The following DOCK1 variants were observed in gnomAD, a reference collection of about 807,000 sequenced individuals.
The protein encoded by DOCK1 is dedicator of cytokinesis 1.
Under a neutral mutation model 262.7 loss-of-function variants are expected in DOCK1, and 138 were observed. The observed-to-expected ratio is 0.53, with a 90% CI of 0.46 to 0.61. The LOEUF (loss-of-function observed/expected upper bound fraction) is 0.61, where lower values mean the gene tolerates loss of function less well. DOCK1 is among the 20% of genes least tolerant of loss of function. DOCK1 has a pLI of 0.00. For missense variants in DOCK1, 1,908 were observed against 2,370.7 expected, an observed-to-expected ratio of 0.80 and a Z score of 4.05; for synonymous variants, 866 against 867.4, an observed-to-expected ratio of 1.00 and a Z score of 0.03.
At position 127,446,297 on chromosome 10, in the gene DOCK1, A is replaced by C. The variant is rs2070549703; in HGVS notation, c.5414-1097A>C. Among the ~76,000 whole-genome samples the C allele has an allele frequency of 6.6e-6, 1 of 152,042 alleles. No individual in the cohort carries two copies. The highest frequency in any genetic ancestry group is 2.4e-5 in the African/African-American group (1 of 41,416). ...AAAAGAAAGTAGAATAGAGGATACT[A>C]GGGGCGGGAGAGAGGAGTGGAGAGT... On this transcript the variant is annotated intron_variant, in intron 50 of 51. Coordinates refer to ENST00000623213, the MANE Select transcript of DOCK1 (RefSeq NM_001290223.2). The surrounding 1 kb of genome is among the most constrained non-coding windows in gnomAD (Gnocchi z 4.4).
At chr10:127,091,254 A>G (rs994365779) in intron 23 of DOCK1, among the ~76,000 whole-genome samples, 1 of 152,140 alleles carries the variant, frequency 6.6e-6, no homozygotes, top group African/African-American at 2.4e-5. Flanking sequence ...AAGTGCTGGG[A>G]TTACAGGCGT....
At chr10:127,397,762 G>A (rs2066992316) in intron 38 of DOCK1, among the ~76,000 whole-genome samples, 1 of 144,610 alleles carries the variant, frequency 6.9e-6, no homozygotes, top group Admixed American at 6.7e-5. Context: ...CACGGGCAGC[G>A]ACTCCTGTAT....
intron 31 of DOCK1, among the ~76,000 whole-genome samples, chr10:127,345,424 G>A (rs1247071100): frequency 1.3e-5 from 2 of 152,194 alleles, no homozygotes; most frequent in South Asian, 2.1e-4. Context: ...TAATCTAGGC[G>A]ATTCAGGGCC....
At chr10:127,370,514 A>C (rs1056431419) in intron 33 of DOCK1, among the ~76,000 whole-genome samples, 1 of 152,158 alleles carries the variant, frequency 6.6e-6, no homozygotes, top group Non-Finnish European at 1.5e-5. Context: ...AAAATTATAG[A>C]TGCATTAGAG....
intron 33 of DOCK1, among the ~76,000 whole-genome samples, chr10:127,363,024 CACACAT>C (rs2064671998): frequency 1.3e-5 from 1 of 75,524 alleles, no homozygotes. Flanking sequence ...CACACACACA[CACACAT>C]GCACCTCCCC....
At chr10:127,434,609 T>G (rs1412407971) in intron 48 of DOCK1, among the ~76,000 whole-genome samples, 1 of 151,988 alleles carries the variant, frequency 6.6e-6, no homozygotes, top group Non-Finnish European at 1.5e-5. Flanking sequence ...AAACACTAAC[T>G]TTGCATTCTT....
rs777724701 is a variant in DOCK1 at position 127,373,804 on chromosome 10, G to T, written c.3456G>T (p.Lys1152Asn). ...FQMFENEIIT[K>N]LDHEVEGGRG... ...AGTTTGAAAATGAGATCATCACCAA[G>T]CTGGATCATGAAGTCGAAGGAGGCA... The change falls in exon 34 of 52, where the codon AAG (lysine) becomes AAT (asparagine). Residue 1152 changes from lysine to asparagine, a missense_variant. Around this residue, in one of 9 missense-constraint regions of DOCK1, gnomAD observed 518 missense variants for 575.1 expected, o/e 0.90. Transcript: ENST00000623213. 5.0e-6 allele frequency: 8 copies of T among 1,611,524 alleles called. No individual in the cohort carries two copies. In the East Asian group the frequency reaches 1.8e-4, roughly 36 times the overall value.
chr10:126,947,954 G>GGTA (rs2035686643), intron 1 of DOCK1, among the ~76,000 whole-genome samples: 1 of 137,016 alleles, frequency 7.3e-6, no homozygotes, highest in African/African-American at 2.7e-5. Context: ...TGGTGGTGGT[G>GGTA]GTTGGTAGTA....
intron 2 of DOCK1, 148 bp from the exon 3 acceptor site, chr10:126,977,798 ATC>A: frequency 1.4e-6 from 1 of 740,418 alleles, no homozygotes; most frequent in South Asian, 2.1e-5. Flanking sequence ...CACGTAGTAT[ATC>A]TCCAAAGCCT....
At chr10:127,095,552 C>G (rs1030487439) in intron 23 of DOCK1, among the ~76,000 whole-genome samples, 1 of 152,200 alleles carries the variant, frequency 6.6e-6, no homozygotes, top group Non-Finnish European at 1.5e-5. Context: ...GGCACAGCTA[C>G]CTGTGGCCAG....
At chr10:127,164,226 C>T (rs2053875757) in intron 27 of DOCK1, among the ~76,000 whole-genome samples, 1 of 118,108 alleles carries the variant, frequency 8.5e-6, no homozygotes, top group East Asian at 2.9e-4. Context: ...CTCTGTCACC[C>T]AGGCTGGAGT....
At chr10:127,258,459 T>C (rs2059903139) in intron 29 of DOCK1, among the ~76,000 whole-genome samples, 1 of 152,266 alleles carries the variant, frequency 6.6e-6, no homozygotes, top group Non-Finnish European at 1.5e-5. Flanking sequence ...ATTTAGGTTG[T>C]TGCCTGTATC....
intron 29 of DOCK1, among the ~76,000 whole-genome samples, chr10:127,319,948 G>A (rs967316478): frequency 3.3e-5 from 5 of 152,244 alleles, no homozygotes; most frequent in Middle Eastern, 3.4e-3. Flanking sequence ...GTCTGGGATC[G>A]CATTTCATCT....
At chr10:127,129,623 C>T (rs1387739458) in intron 27 of DOCK1, among the ~76,000 whole-genome samples, 5 of 152,210 alleles carry the variant, frequency 3.3e-5, no homozygotes, top group Non-Finnish European at 7.3e-5. Context: ...TGACCCCTGA[C>T]GTCTGACGTT....
chr10:127,446,531 G>A lies in DOCK1; in HGVS notation c.5414-863G>A, dbSNP rs540484346. Among the ~76,000 whole-genome samples, 43 of 152,246 alleles carry A rather than the reference G, an allele frequency of 2.8e-4. No individual in the cohort carries two copies. The highest frequency in any genetic ancestry group is 1.0e-3 in the African/African-American group (42 of 41,558). On this transcript the variant is annotated intron_variant, in intron 50 of 51. Coordinates refer to ENST00000623213, the MANE Select transcript of DOCK1 (RefSeq NM_001290223.2). This position sits in a 1 kb window ranked among gnomAD's most constrained non-coding sequence, Gnocchi z 4.4. ...GCAATCATGAGGACAGTCACTCACC[G>A]AAGCCTTCGTATTTCCCTCAGCCCC...
chr10:127,406,993 T>C (rs11017910), intron 40 of DOCK1, among the ~76,000 whole-genome samples: 30,798 of 151,860 alleles, frequency 0.2, 3,184 homozygotes, highest in East Asian at 0.25. Context: ...GTATTTAAGA[T>C]GACATATTAT....
intron 22 of DOCK1, among the ~76,000 whole-genome samples, chr10:127,060,859 A>C (rs2045484346): frequency 6.6e-6 from 1 of 152,250 alleles, no homozygotes; most frequent in Non-Finnish European, 1.5e-5. Context: ...ATATCATTTT[A>C]AAGGATTAGA....
At chr10:127,082,878 C>A (rs1009248922) in intron 23 of DOCK1, among the ~76,000 whole-genome samples, 3 of 152,186 alleles carry the variant, frequency 2.0e-5, no homozygotes, top group African/African-American at 4.8e-5. Context: ...AACGACTGCT[C>A]ATTTTCCTGG....
chr10:127,320,078 C>A (rs1193680440), intron 29 of DOCK1, among the ~76,000 whole-genome samples: 1 of 152,312 alleles, frequency 6.6e-6, no homozygotes, highest in East Asian at 1.9e-4. Flanking sequence ...CTTGTGCACT[C>A]ATCGGTGCCC....
Sources: gnomAD v4.1 joint callset for allele counts (sites outside exome capture counted in the v4.1 genomes callset) on GRCh38, gnomAD v4.1.1 for gene constraint, gnomAD v4.1.1 regional missense constraint, Gnocchi (gnomAD v3.1) non-coding constraint, MANE v1.5 for transcripts, NCBI Gene and HGNC (gene_info 2026-07-23, HGNC 2026-07-21) for gene names.